The following ADARB2 variants were observed in gnomAD, a reference collection of about 807,000 sequenced individuals.
ADARB2 encodes adenosine deaminase RNA specific B2 (inactive), also known as inactive double-stranded RNA-specific editase B2.
A neutral mutation model predicts 62.2 loss-of-function variants in ADARB2; 25 were observed. That is an observed-to-expected ratio of 0.40 (90% CI 0.29 to 0.56). The LOEUF is 0.56. Among genes scored for constraint, ADARB2 ranks in the 20% least tolerant of loss-of-function variants. The probability of loss-of-function intolerance (pLI) is 0.43; values close to 1 mark genes in which losing one functional copy is unlikely to be tolerated. For synonymous variants in ADARB2, 572 were observed against 500.8 expected (o/e 1.14, Z -1.90); for missense variants, 1,071 against 1,077.4 (o/e 0.99, Z 0.08).
Position 1,200,121 on chromosome 10 carries a change from G to C in ADARB2, c.1709C>G (p.Ala570Gly), listed in dbSNP as rs540618743. The C allele has an allele frequency of 6.4e-7, 1 of 1,551,566 alleles. No homozygotes were observed. Among genetic ancestry groups the C allele is most frequent in the South Asian group, 1.2e-5 (1 of 84,162 alleles). ...ARWNVLGLQG[A>G]LLSHFVEPVY... The stretch of plus-strand genomic sequence containing the variant: ...GGGCTCCACGAAGTGGGACAGGAGC[G>C]CGCCCTGCAGCCCCAGGACGTTCCA... Residue 570 changes from alanine to glycine, a missense_variant, in exon 8 of 10, where the codon GCG becomes GGG. Ala to Gly is a moderately conservative substitution (Grantham distance 60, BLOSUM62 0). Transcript: ENST00000381312.
At chr10:1,630,882 G>A (rs1038094232) in intron 1 of ADARB2, among the ~76,000 whole-genome samples, 2 of 152,078 alleles carry the variant, frequency 1.3e-5, no homozygotes, top group Admixed American at 1.3e-4. Context: ...TTGAACCCAG[G>A]AGATGGAGGT....
In ADARB2 at chr10:1,476,870, C is replaced by T. The variant is rs148530765; in HGVS notation, c.101-97710G>A. Among the ~76,000 whole-genome samples the T allele has an allele frequency of 1.7e-3, 255 of 152,250 alleles. 1 individual carries two copies. The highest frequency in any genetic ancestry group is 6.4e-3 in the South Asian group (31 of 4,824). On this transcript the variant is annotated intron_variant, in intron 1 of 9. Coordinates refer to ENST00000381312, the MANE Select transcript of ADARB2 (RefSeq NM_018702.4). The stretch of plus-strand genomic sequence containing the variant: ...TGGAGGGAACTCTAATTTCTGAACC[C>T]AGCCTGGGTGCCACAAGTGAGGGTG...
At chr10:1,605,054 T>C (rs1169636819) in intron 1 of ADARB2, among the ~76,000 whole-genome samples, 1 of 152,246 alleles carries the variant, frequency 6.6e-6, no homozygotes, top group African/African-American at 2.4e-5. Context: ...AATAGAGTTA[T>C]AGTAATAAAT....
intron 3 of ADARB2, among the ~76,000 whole-genome samples, chr10:1,301,571 TCTGTCC>T (rs1341667394): frequency 6.6e-6 from 1 of 152,186 alleles, no homozygotes; most frequent in African/African-American, 2.4e-5. Context: ...TCTCTCTCTC[TCTGTCC>T]CTCCATTCCT....
intron 1 of ADARB2, among the ~76,000 whole-genome samples, chr10:1,631,112 G>A (rs1037724793): frequency 1.3e-5 from 2 of 152,186 alleles, no homozygotes; most frequent in Admixed American, 1.3e-4. Flanking sequence ...CCCCAACAGT[G>A]AGTTCCTAGC....
In ADARB2 at chr10:1,635,527, G is replaced by A. The variant is rs60056146; in HGVS notation, c.100+101524C>T. Among the ~76,000 whole-genome samples, 776 of 152,286 alleles carry A rather than the reference G, an allele frequency of 5.1e-3. 8 individuals are homozygous for A. The highest frequency in any genetic ancestry group is 0.018 in the African/African-American group (738 of 41,564). On this transcript the variant is annotated intron_variant, in intron 1 of 9. Coordinates refer to ENST00000381312, the MANE Select transcript of ADARB2 (RefSeq NM_018702.4). ...GAGATGTGGCTCTGCCTAGTGTTGC[G>A]TTGAAATCTCCGGATGATGAAACCT...
chr10:1,640,261 G>A (rs896752396), intron 1 of ADARB2, among the ~76,000 whole-genome samples: 10 of 152,214 alleles, frequency 6.6e-5, no homozygotes, highest in African/African-American at 2.2e-4. Flanking sequence ...TTAAGTGGAA[G>A]GGGTTGAGTT....
chr10:1,617,463 G>A (rs374413850), intron 1 of ADARB2, among the ~76,000 whole-genome samples: 35 of 82,542 alleles, frequency 4.2e-4, no homozygotes, highest in Non-Finnish European at 5.3e-4. Flanking sequence ...GCATTCTGTC[G>A]CTAGATGTTT....
chr10:1,393,978 A>T (rs1343169963), intron 1 of ADARB2, among the ~76,000 whole-genome samples: 1 of 152,234 alleles, frequency 6.6e-6, no homozygotes, highest in African/African-American at 2.4e-5. Flanking sequence ...AGGCTGCAGA[A>T]GTTGCCTGAC....
intron 1 of ADARB2, among the ~76,000 whole-genome samples, chr10:1,544,956 T>TATATACACACACACACAC (rs10526252): frequency 1.5e-5 from 2 of 133,934 alleles, no homozygotes; most frequent in African/African-American, 2.7e-5. Flanking sequence ...TAGCAAAGTA[T>TATATACACACACACACAC]ACACACACAC....
At chr10:1,592,358 A>C (rs1306339645) in intron 1 of ADARB2, among the ~76,000 whole-genome samples, 5 of 130,562 alleles carry the variant, frequency 3.8e-5, no homozygotes, top group African/African-American at 1.2e-4. Flanking sequence ...CCTCTCTGGC[A>C]TGGTCCCCTC....
At chr10:1,522,199 G>A (rs1368850166) in intron 1 of ADARB2, among the ~76,000 whole-genome samples, 7 of 152,150 alleles carry the variant, frequency 4.6e-5, no homozygotes, top group African/African-American at 1.4e-4. Flanking sequence ...TAAAATACAT[G>A]GCTACCTCTC....
intron 1 of ADARB2, among the ~76,000 whole-genome samples, chr10:1,483,459 C>G (rs1437739134): frequency 1.3e-5 from 2 of 152,154 alleles, no homozygotes; most frequent in East Asian, 3.8e-4. Flanking sequence ...TCGTTTCGTC[C>G]TAGCTATGCA....
At chr10:1,579,303 G>A (rs137889621) in intron 1 of ADARB2, among the ~76,000 whole-genome samples, 4 of 152,290 alleles carry the variant, frequency 2.6e-5, no homozygotes, top group South Asian at 2.1e-4. Flanking sequence ...ATCCTCCTAC[G>A]ATTGCCTGCG....
Position 1,327,118 on chromosome 10 carries a change from G to GCCT in ADARB2, c.1077+35907_1077+35909dup, listed in dbSNP as rs557820258. Among the ~76,000 whole-genome samples, 73 of 48,322 alleles carry GCCT rather than the reference G, an allele frequency of 1.5e-3. 8 individuals are homozygous for GCCT. The highest frequency in any genetic ancestry group is 3.3e-3 in the South Asian group (6 of 1,828). 31.7% of individuals were successfully genotyped at this position (48,322 alleles called of 152,430 possible). ...GCACAGCGCCTCCCCACGGCACAGCGCCTCACTGCACAGCGCCTCCTCACT... is the reference window on the plus strand; with the variant it reads ...GCACAGCGCCTCCCCACGGCACAGCGCCTCCTCACTGCACAGCGCCTCCTCACT... On this transcript the variant is annotated intron_variant, in intron 3 of 9. Transcript: ENST00000381312.
In ADARB2 at chr10:1,567,599, C is replaced by T. The variant is rs553385741; in HGVS notation, c.100+169452G>A. Reference sequence around the variant, plus strand: ...GGGGACTTCATGCCAGGACACAGGACGTGGCCAGGCATGGAGGCTTCGTGC... The same window carrying T: ...GGGGACTTCATGCCAGGACACAGGATGTGGCCAGGCATGGAGGCTTCGTGC... On this transcript the variant is annotated intron_variant, in intron 1 of 9. Coordinates refer to ENST00000381312, the MANE Select transcript of ADARB2 (RefSeq NM_018702.4). Among the ~76,000 whole-genome samples, 5 of 152,310 alleles carry T rather than the reference C, an allele frequency of 3.3e-5. No homozygotes were observed. The South Asian group carries it at 6.2e-4, about 19-fold the overall frequency.
intron 1 of ADARB2, among the ~76,000 whole-genome samples, chr10:1,572,978 AG>A (rs1201538752): frequency 1.3e-5 from 2 of 152,144 alleles, no homozygotes; most frequent in African/African-American, 4.8e-5. Flanking sequence ...ACTGCCCCCG[AG>A]TGCTCATTTA....
At chr10:1,204,714 G>C (rs1452297113) in intron 7 of ADARB2, among the ~76,000 whole-genome samples, 2 of 152,220 alleles carry the variant, frequency 1.3e-5, no homozygotes, top group Non-Finnish European at 2.9e-5. Context: ...CCTGTGTCCA[G>C]CACCATCGTG....
At chr10:1,223,796 T>C (rs550932774) in intron 6 of ADARB2, among the ~76,000 whole-genome samples, 1 of 152,336 alleles carries the variant, frequency 6.6e-6, no homozygotes, top group South Asian at 2.1e-4. Context: ...GTGGATGAGC[T>C]TTTTGATGTG....
Sources: allele counts gnomAD v4.1 joint callset (sites outside exome capture counted in the v4.1 genomes callset), GRCh38; gene constraint gnomAD v4.1.1; transcripts MANE v1.5; gene names NCBI Gene and HGNC (gene_info 2026-07-23, HGNC 2026-07-21).